Variants in TRIM17 observed in about 807,000 individuals in gnomAD.
TRIM17 encodes E3 ubiquitin-protein ligase TRIM17.
In TRIM17, 27 loss-of-function variants were observed where a neutral mutation model predicts 35.8. That is an observed-to-expected ratio of 0.75 (90% CI 0.56 to 1.04). The LOEUF is 1.04. Ranked by LOEUF, TRIM17 falls within the 50% of genes least tolerant of loss-of-function variation. The pLI is 0.00. For missense variants in TRIM17, 582 were observed against 612.8 expected, an observed-to-expected ratio of 0.95 and a Z score of 0.53; for synonymous variants, 246 against 252.6, an observed-to-expected ratio of 0.97 and a Z score of 0.25.
intron 5 of TRIM17, 21 bp from the exon 6 acceptor site, chr1:228,409,296 GGA>G (rs777535671): frequency 1.6e-5 from 25 of 1,612,554 alleles, no homozygotes; most frequent in Middle Eastern, 3.3e-4. Context: ...CACACACAGG[GGA>G]GTCTTATTGA....
chr1:228,412,800 C>T (rs1465647835), intron 3 of TRIM17, among the ~76,000 whole-genome samples: 1 of 151,926 alleles, frequency 6.6e-6, no homozygotes, highest in South Asian at 2.1e-4. Flanking sequence ...ACAAAGATCT[C>T]TAAATCTGTT....
Position 228,408,840 on chromosome 1 carries a change from G to C in TRIM17, c.884-89C>G, listed in dbSNP as rs1444512893. ...GAGTCCCCGGGCCCTAGTGGTGGAT[G>C]TGGCCAATGGTCCCCTAACTCCGCA... On this transcript the variant is annotated intron_variant, in intron 6 of 6. Coordinates refer to ENST00000366698, the MANE Select transcript of TRIM17 (RefSeq NM_016102.4). The surrounding 1 kb of genome is among the most constrained non-coding windows in gnomAD (Gnocchi z 6.3). 1.3e-6 allele frequency: 2 copies of C among 1,516,652 alleles called. No homozygotes were observed. Among genetic ancestry groups the C allele is most frequent in the African/African-American group, 2.8e-5 (2 of 72,622 alleles). 93.9% of individuals were successfully genotyped at this position (1,516,652 alleles called of 1,614,324 possible). A position where few individuals can be genotyped will look rare whatever the true frequency, so the allele number is the denominator to read the frequency against.
chr1:228,416,297 G>C, intron 1 of TRIM17: 1 of 979,310 alleles, frequency 1.0e-6, no homozygotes, highest in Non-Finnish European at 1.2e-6. Flanking sequence ...AGCCGGGCAG[G>C]GACAGCGGCA....
chr1:228,409,592 A>C (rs1574095114), intron 4 of TRIM17, 181 bp from the exon 5 acceptor site: 2 of 550,570 alleles, frequency 3.6e-6, no homozygotes, highest in African/African-American at 1.9e-5. Context: ...TCCCACTACC[A>C]CCAGAGCCCC....
In TRIM17 at chr1:228,410,102, C is replaced by CTT. The variant is rs112973247; in HGVS notation, c.757-693_757-692dup. On this transcript the variant is annotated intron_variant, in intron 4 of 6. Coordinates refer to ENST00000366698, the MANE Select transcript of TRIM17 (RefSeq NM_016102.4). The surrounding 1 kb of genome is among the most constrained non-coding windows in gnomAD (Gnocchi z 4.6). Reference sequence around the variant, plus strand: ...ACAGGCTGCTTTGTTTTTCCTTTTCCTTTTTTTTTTTTTTCCTAGATGTGA... The same window carrying CTT: ...ACAGGCTGCTTTGTTTTTCCTTTTCCTTTTTTTTTTTTTTTTCCTAGATGTGA... Among the ~76,000 whole-genome samples the CTT allele has an allele frequency of 7.0e-6, 1 of 142,574 alleles. No individual in the cohort carries two copies. The highest frequency in any genetic ancestry group is 1.5e-5 in the Non-Finnish European group (1 of 64,796). 93.5% of individuals were successfully genotyped at this position (142,574 alleles called of 152,430 possible).
chr1:228,408,112 C>G lies in TRIM17; in HGVS notation c.*89G>C. On this transcript the variant is annotated 3_prime_UTR_variant, in exon 7 of 7. Transcript: ENST00000366698. This position sits in a 1 kb window ranked among gnomAD's most constrained non-coding sequence, Gnocchi z 6.3. ...TGTCTAATGGCTGCCAGCGTGATGC[C>G]AGAGAACCCTGGCAGGTGGCCTGCA... 1 of 1,323,798 alleles carries G rather than the reference C, an allele frequency of 7.6e-7. No individual in the cohort carries two copies. Among genetic ancestry groups the G allele is most frequent in the East Asian group, 2.4e-5 (1 of 42,028 alleles). 82.0% of individuals were successfully genotyped at this position (1,323,798 alleles called of 1,614,324 possible). A position where few individuals can be genotyped will look rare whatever the true frequency, so the allele number is the denominator to read the frequency against.
At position 228,413,781 on chromosome 1, in the gene TRIM17, A is replaced by G; in HGVS notation, c.525+16T>C. The G allele has an allele frequency of 6.2e-7, 1 of 1,607,162 alleles. No individual in the cohort carries two copies. The stretch of plus-strand genomic sequence containing the variant: ...AGCAGCAGCAGGAAAGGGACTGGAC[A>G]GCCCTGGGCACCCACCTGCCACTCG... On this transcript the variant is annotated intron_variant, in intron 3 of 6. Transcript: ENST00000366698.
At chr1:228,409,130 G>C (rs1656630643) in intron 6 of TRIM17, 42 bp downstream of exon 6, 1 of 1,613,940 alleles carries the variant, frequency 6.2e-7, no homozygotes, top group South Asian at 1.1e-5. Flanking sequence ...GCATCGCCAA[G>C]AGATCCTGGG....
rs747595050 is a variant in TRIM17 at position 228,414,833 on chromosome 1, C to G, written c.240G>C (p.Leu80=). ...GCTGCGCCATCTCGGCCACCTTGGT[C>G]AGCAGCCGGTTGGGCAGCAGGTTCC... ...PQRNLLPNRL[L]TKVAEMAQQH... is the part of the protein sequence containing the mutation. Residue 80 remains leucine, a synonymous_variant, in exon 2 of 7, where the codon CTG becomes CTC. Coordinates refer to ENST00000366698, the MANE Select transcript of TRIM17 (RefSeq NM_016102.4). 18 of 1,613,560 alleles carry G rather than the reference C, an allele frequency of 1.1e-5. No individual in the cohort carries two copies. In the Middle Eastern group the frequency reaches 6.7e-4, roughly 60 times the overall value.
chr1:228,409,796 G>C, intron 4 of TRIM17: 1 of 156,516 alleles, frequency 6.4e-6, no homozygotes, highest in Non-Finnish European at 1.3e-5. Context: ...TTTGGGGAGG[G>C]AGGGGGGTGG....
Position 228,411,398 on chromosome 1 carries a change from A to G in TRIM17, c.526-222T>C, listed in dbSNP as rs758068154. ...GCAACTTCTACACATCCAAACACCCATGCACCCTTGCTCTGAGGAGGTTCA... is the reference window on the plus strand; with the variant it reads ...GCAACTTCTACACATCCAAACACCCGTGCACCCTTGCTCTGAGGAGGTTCA... On this transcript the variant is annotated intron_variant, in intron 3 of 6. Coordinates refer to ENST00000366698, the MANE Select transcript of TRIM17 (RefSeq NM_016102.4). The surrounding 1 kb of genome is among the most constrained non-coding windows in gnomAD (Gnocchi z 4.2). Among the ~76,000 whole-genome samples the G allele has an allele frequency of 7.2e-5, 11 of 152,040 alleles. No individual in the cohort carries two copies. The highest frequency in any genetic ancestry group is 1.6e-4 in the Non-Finnish European group (11 of 67,976).
chr1:228,413,716 C>G (rs1656916064), intron 3 of TRIM17, 81 bp downstream of exon 3: 2 of 1,190,500 alleles, frequency 1.7e-6, no homozygotes, highest in Non-Finnish European at 2.5e-6. Flanking sequence ...GGCAGCATAT[C>G]CCCACGGGCA....
chr1:228,413,713 T>C (rs1558457898), intron 3 of TRIM17, 84 bp downstream of exon 3: 14 of 1,154,648 alleles, frequency 1.2e-5, no homozygotes, highest in Middle Eastern at 2.3e-4. Context: ...TGCGGCAGCA[T>C]ATCCCCACGG....
chr1:228,414,755 G>A lies in TRIM17; in HGVS notation c.318C>T (p.Leu106=), dbSNP rs746457106. 1.3e-5 allele frequency: 21 copies of A among 1,612,830 alleles called. No homozygotes were observed. The highest frequency in any genetic ancestry group is 1.8e-5 in the Non-Finnish European group (21 of 1,180,042). Residue 106 remains leucine (L), a synonymous_variant, in exon 2 of 7, where the codon CTC becomes CTT. Transcript: ENST00000366698. ...QDLCQEHHEP[L]KLFCQKDQSP... is the part of the protein sequence containing the mutation. The stretch of plus-strand genomic sequence containing the variant: ...TCTGGTCCTTCTGGCAGAAAAGCTT[G>A]AGGGGCTCGTGGTGCTCCTGGCACA...
chr1:228,416,150 G>T (rs988183823), intron 1 of TRIM17: 1 of 169,428 alleles, frequency 5.9e-6, no homozygotes, highest in Admixed American at 6.5e-5. Context: ...TAAAGCGAGG[G>T]CGTCTAGGGG....
At position 228,409,160 on chromosome 1, in the gene TRIM17, G is replaced by C. The variant is rs572990522; in HGVS notation, c.883+12C>G. On this transcript the variant is annotated intron_variant, in intron 6 of 6. Transcript: ENST00000366698. ...CCTGGGTCAGAGGTCCTGGCCCTGG[G>C]TGCCCACTTACCTAGAAAGCCTCTT... 87 of 1,614,022 alleles carry C rather than the reference G, an allele frequency of 5.4e-5. No homozygotes were observed. The highest frequency in any genetic ancestry group is 1.6e-4 in the Middle Eastern group (1 of 6,062).
chr1:228,411,174 G>C lies in TRIM17; in HGVS notation c.528C>G (p.Gly176=). 1 of 1,605,656 alleles carries C rather than the reference G, an allele frequency of 6.2e-7. No individual in the cohort carries two copies. ...TGCGTTCTCTCCGCTCCTTCACCTT[G>C]CCCTGCAGGAGTGGAGAAGCCCAGC... ...REEQSLAEWQ[G]KVKERRERIV... The change falls in exon 4 of 7, where the codon GGC becomes GGG. Residue 176 remains glycine, a splice_region_variant and synonymous_variant. Transcript: ENST00000366698. This position sits in a 1 kb window ranked among gnomAD's most constrained non-coding sequence, Gnocchi z 4.2.
chr1:228,416,517 C>T, intron 1 of TRIM17, 22 bp downstream of exon 1: 10 of 985,500 alleles, frequency 1.0e-5, no homozygotes, highest in Non-Finnish European at 9.6e-6. Context: ...GTAGCCTAGG[C>T]GGCGGGGTGG....
In TRIM17 at chr1:228,411,673, C is replaced by G. The variant is rs1656793326; in HGVS notation, c.526-497G>C. On this transcript the variant is annotated intron_variant, in intron 3 of 6. Transcript: ENST00000366698. The surrounding 1 kb of genome is among the most constrained non-coding windows in gnomAD (Gnocchi z 4.2). ...ACAGGGTCTTGCTCTGTTGCCCAGG[C>G]TGGAGTGCAATGGCACAACCACAAC... is the stretch of plus-strand genomic sequence containing the variant. Among the ~76,000 whole-genome samples, 1 of 152,204 alleles carries G rather than the reference C, an allele frequency of 6.6e-6. No homozygotes were observed. The highest frequency in any genetic ancestry group is 1.5e-5 in the Non-Finnish European group (1 of 68,034).
Sources: gnomAD v4.1 joint callset for allele counts (sites outside exome capture counted in the v4.1 genomes callset) on GRCh38, gnomAD v4.1.1 for gene constraint, Gnocchi (gnomAD v3.1) non-coding constraint, MANE v1.5 for transcripts, NCBI Gene and HGNC (gene_info 2026-07-23, HGNC 2026-07-21) for gene names.